Variants in LRP1B observed in about 807,000 individuals in gnomAD.
LRP1B encodes the protein LDL receptor related protein 1B, also known as low-density lipoprotein receptor-related protein 1B.
A neutral mutation model predicts 556.6 loss-of-function variants in LRP1B; 217 were observed. That is an observed-to-expected ratio of 0.39 (90% CI 0.35 to 0.44). LRP1B has a LOEUF of 0.44. Ranked by LOEUF, LRP1B falls within the 20% of genes least tolerant of loss-of-function variation. The pLI, the probability that LRP1B is intolerant of heterozygous loss-of-function variation, is 1.00. For missense variants in LRP1B, 5,053 were observed against 5,620.8 expected (o/e 0.90, Z 3.23); for synonymous variants, 2,047 against 1,865.8 (o/e 1.10, Z -2.50).
At chr2:141,116,471 T>C (rs1700902023) in intron 7 of LRP1B, among the ~76,000 whole-genome samples, 1 of 152,274 alleles carries the variant, frequency 6.6e-6, no homozygotes, top group East Asian at 1.9e-4. Flanking sequence ...AATAGCCATA[T>C]AATCATCTTT....
intron 3 of LRP1B, among the ~76,000 whole-genome samples, chr2:141,377,482 C>G (rs1689480758): frequency 6.6e-6 from 1 of 152,086 alleles, no homozygotes; most frequent in African/African-American, 2.4e-5. Flanking sequence ...TTTTTCTAAA[C>G]AAAGATTTGA....
intron 7 of LRP1B, among the ~76,000 whole-genome samples, chr2:141,065,105 C>G (rs1699442938): frequency 6.6e-6 from 1 of 151,844 alleles, no homozygotes; most frequent in South Asian, 2.1e-4. Context: ...GAATTTCAAA[C>G]TCACACAAAA....
At chr2:141,626,122 C>T (rs1688693728) in intron 2 of LRP1B, among the ~76,000 whole-genome samples, 1 of 151,938 alleles carries the variant, frequency 6.6e-6, no homozygotes, top group African/African-American at 2.4e-5. Flanking sequence ...AACAAACATT[C>T]AAAAATAAAT....
At chr2:140,748,591 G>GCATATA (rs1553521873) in intron 35 of LRP1B, among the ~76,000 whole-genome samples, 30 of 73,334 alleles carry the variant, frequency 4.1e-4, no homozygotes, top group Non-Finnish European at 5.8e-4. Flanking sequence ...TATACAGTGT[G>GCATATA]TATATATATA....
intron 7 of LRP1B, among the ~76,000 whole-genome samples, chr2:141,187,718 T>A (rs1463986472): frequency 2.0e-5 from 3 of 152,018 alleles, no homozygotes; most frequent in Admixed American, 1.3e-4. Flanking sequence ...ATGATGGGAA[T>A]TTAAACATTT....
At chr2:141,191,270 G>A (rs1280336020) in intron 6 of LRP1B, among the ~76,000 whole-genome samples, 2 of 151,776 alleles carry the variant, frequency 1.3e-5, no homozygotes, top group African/African-American at 4.8e-5. Flanking sequence ...TTAATCTTTT[G>A]TTAGTCTAAT....
intron 41 of LRP1B, among the ~76,000 whole-genome samples, chr2:140,656,837 A>C (rs552680832): frequency 7.0e-4 from 107 of 152,284 alleles, no homozygotes; most frequent in African/African-American, 2.3e-3. Context: ...TGTTACTGAC[A>C]AAACCACAAA....
rs192040965 is a variant in LRP1B at position 141,191,115 on chromosome 2, A to T, written c.851-2532T>A. On this transcript the variant is annotated intron_variant, in intron 6 of 90. Coordinates refer to ENST00000389484, the MANE Select transcript of LRP1B (RefSeq NM_018557.3). ...TCTTAGCTCTTAACCATGCCCTATC[A>T]TGTTCTCTCCATAACTTTCTACTCT... Among the ~76,000 whole-genome samples the T allele has an allele frequency of 9.9e-5, 15 of 152,064 alleles. No individual in the cohort carries two copies. The East Asian group carries it at 2.9e-3, about 30-fold the overall frequency.
chr2:140,338,713 A>C (rs79139399), intron 77 of LRP1B, among the ~76,000 whole-genome samples: 313 of 151,856 alleles, frequency 2.1e-3, no homozygotes, highest in African/African-American at 7.3e-3. Context: ...AAACACAAAA[A>C]AATGGAAACA....
chr2:141,745,408 T>C (rs1288291196), intron 2 of LRP1B, among the ~76,000 whole-genome samples: 2 of 152,258 alleles, frequency 1.3e-5, no homozygotes, highest in East Asian at 3.9e-4. Context: ...CAGTCCTTCC[T>C]ACTCTTCCCT....
chr2:141,072,444 C>T (rs1165569454), intron 7 of LRP1B, among the ~76,000 whole-genome samples: 4 of 152,032 alleles, frequency 2.6e-5, no homozygotes, highest in Non-Finnish European at 4.4e-5. Flanking sequence ...CCTTGGCCTC[C>T]TCTGTGCCTA....
chr2:140,853,815 T>C (rs1692531250), intron 27 of LRP1B, among the ~76,000 whole-genome samples: 1 of 152,128 alleles, frequency 6.6e-6, no homozygotes, highest in African/African-American at 2.4e-5. Flanking sequence ...ACTTCTTTTG[T>C]CACACAGAGT....
intron 3 of LRP1B, among the ~76,000 whole-genome samples, chr2:141,461,017 A>G (rs1312742801): frequency 6.7e-6 from 1 of 149,542 alleles, no homozygotes. Flanking sequence ...CTTTGCAGTT[A>G]AAGAGTGAGC....
intron 41 of LRP1B, among the ~76,000 whole-genome samples, chr2:140,687,090 A>G (rs1574241286): frequency 1.3e-5 from 2 of 152,158 alleles, no homozygotes; most frequent in East Asian, 3.9e-4. Flanking sequence ...AGGAACACTA[A>G]GTTCAAGGAC....
In LRP1B at chr2:141,112,071, T is replaced by TAAATAAATAAATA. The variant is rs1553461490; in HGVS notation, c.1014-49799_1014-49798insTATTTATTTATTT. On this transcript the variant is annotated intron_variant, in intron 7 of 90. Coordinates refer to ENST00000389484, the MANE Select transcript of LRP1B (RefSeq NM_018557.3). ...AAAAATAAATAAATAAATAAATAAA[T>TAAATAAATAAATA]AATAAATAAATAAATAAATAAATAA... Among the ~76,000 whole-genome samples, 264 of 145,822 alleles carry TAAATAAATAAATA rather than the reference T, an allele frequency of 1.8e-3. 1 individual carries two copies. Among genetic ancestry groups the TAAATAAATAAATA allele is most frequent in the African/African-American group, 5.7e-3 (224 of 39,306 alleles).
chr2:140,480,790 T>C (rs1044474731), intron 59 of LRP1B, among the ~76,000 whole-genome samples: 2 of 152,298 alleles, frequency 1.3e-5, no homozygotes, highest in East Asian at 3.9e-4. Flanking sequence ...AATGAAAGTA[T>C]GTCTTTTAAA....
intron 3 of LRP1B, among the ~76,000 whole-genome samples, chr2:141,375,260 G>C (rs533863719): frequency 5.9e-5 from 9 of 152,150 alleles, no homozygotes; most frequent in Non-Finnish European, 1.2e-4. Context: ...AGGCTCCAAT[G>C]GTGGCAGCAT....
At chr2:142,054,510 G>A (rs536581458) in intron 1 of LRP1B, among the ~76,000 whole-genome samples, 17 of 151,688 alleles carry the variant, frequency 1.1e-4, no homozygotes, top group African/African-American at 3.4e-4. Flanking sequence ...CCTGCATTTC[G>A]TACTCCACAA....
intron 6 of LRP1B, among the ~76,000 whole-genome samples, chr2:141,200,624 C>G (rs1218719752): frequency 2.6e-5 from 4 of 152,128 alleles, no homozygotes; most frequent in Non-Finnish European, 5.9e-5. Context: ...TGTACACACA[C>G]ATACATACAC....
Sources: allele counts gnomAD v4.1 joint callset (sites outside exome capture counted in the v4.1 genomes callset), GRCh38; gene constraint gnomAD v4.1.1; transcripts MANE v1.5; gene names NCBI Gene and HGNC (gene_info 2026-07-23, HGNC 2026-07-21).